Variants in PHACTR1 observed in about 807,000 individuals in gnomAD.
PHACTR1 encodes the protein phosphatase and actin regulator 1.
Under a neutral mutation model 69.2 loss-of-function variants are expected in PHACTR1, and 16 were observed. The ratio of observed to expected loss-of-function variants is 0.23; its 90% confidence interval spans 0.16 to 0.35. PHACTR1 has a LOEUF of 0.35. PHACTR1 is among the 10% of genes least tolerant of loss of function. The probability of loss-of-function intolerance (pLI) is 1.00; values close to 1 mark genes in which losing one functional copy is unlikely to be tolerated. For missense variants in PHACTR1, 510 were observed against 734.7 expected (o/e 0.69, Z 3.54); for synonymous variants, 312 against 284.5 (o/e 1.10, Z -0.97).
chr6:12,889,109 G>GA (rs959704666), intron 4 of PHACTR1, among the ~76,000 whole-genome samples: 12 of 151,960 alleles, frequency 7.9e-5, no homozygotes, highest in Admixed American at 6.6e-5. Flanking sequence ...CCTGTCTCTA[G>GA]AAAAAATCAA....
Position 12,722,609 on chromosome 6 carries a change from T to C in PHACTR1, c.103+3762T>C, listed in dbSNP as rs1762265708. Among the ~76,000 whole-genome samples, 3 of 152,366 alleles carry C rather than the reference T, an allele frequency of 2.0e-5. No individual in the cohort carries two copies. In the South Asian group the frequency reaches 6.2e-4, roughly 32 times the overall value. ...TATCATGAGAAAAATTCTTTTGGAA[T>C]TCCCTGAGATTTTCAAAGGTGCCTG... On this transcript the variant is annotated intron_variant, in intron 3 of 14. Transcript: ENST00000332995.
In PHACTR1 at chr6:12,854,452, A is replaced by G. The variant is rs527456060; in HGVS notation, c.250+104662A>G. 1.3e-4 allele frequency among the ~76,000 whole-genome samples: 20 copies of G among 152,348 alleles called. No homozygotes were observed. The South Asian group carries it at 3.7e-3, about 28-fold the overall frequency. Reference sequence around the variant, plus strand: ...CATTTTCCCTTATTTCTATCAAATCAGGATAGAATGCTTTGTTGTGTACCT... The same window carrying G: ...CATTTTCCCTTATTTCTATCAAATCGGGATAGAATGCTTTGTTGTGTACCT... On this transcript the variant is annotated intron_variant, in intron 4 of 14. Transcript: ENST00000332995.
chr6:12,949,069 G>A (rs1474707698), intron 4 of PHACTR1, among the ~76,000 whole-genome samples: 1 of 152,094 alleles, frequency 6.6e-6, no homozygotes, highest in East Asian at 1.9e-4. Flanking sequence ...TCAGGAGTGA[G>A]AAGCCAGTCT....
chr6:12,988,001 C>G (rs1470061012), intron 4 of PHACTR1, among the ~76,000 whole-genome samples: 1 of 152,158 alleles, frequency 6.6e-6, no homozygotes, highest in Non-Finnish European at 1.5e-5. Context: ...TTGGCAGCCA[C>G]TGGTGCACAT....
At position 13,205,850 on chromosome 6, in the gene PHACTR1, G is replaced by A. The variant is rs560164797; in HGVS notation, c.700G>A (p.Val234Met). The A allele has an allele frequency of 3.3e-5, 52 of 1,594,618 alleles. No individual in the cohort carries two copies. The African/African-American group carries it at 6.3e-4, about 19-fold the overall frequency. The part of the protein sequence containing the change: ...GAPVKLPCLP[V>M]KLSPPLPPKK... ...CCCTGTGAAATTGCCTTGTCTGCCA[G>A]TGAAACTGTCGCCTCCGCTACCTCC... is the stretch of plus-strand genomic sequence containing the variant. Residue 234 changes from valine to methionine, a missense_variant, in exon 8 of 15, where the codon GTG becomes ATG. Coordinates refer to ENST00000332995, the MANE Select transcript of PHACTR1 (RefSeq NM_030948.6).
chr6:12,820,829 T>A (rs1354797463), intron 4 of PHACTR1, among the ~76,000 whole-genome samples: 1 of 152,252 alleles, frequency 6.6e-6, no homozygotes, highest in Non-Finnish European at 1.5e-5. Flanking sequence ...ATATGAGAAC[T>A]GTTTATATAA....
At chr6:12,730,509 C>G (rs1255413829) in intron 3 of PHACTR1, among the ~76,000 whole-genome samples, 1 of 150,914 alleles carries the variant, frequency 6.6e-6, no homozygotes, top group African/African-American at 2.4e-5. Flanking sequence ...GCAGCTCAAT[C>G]ATTGTATATA....
chr6:13,216,974 T>A (rs1767769871), intron 8 of PHACTR1, among the ~76,000 whole-genome samples: 2 of 152,224 alleles, frequency 1.3e-5, no homozygotes, highest in South Asian at 4.1e-4. Flanking sequence ...GCTTTTGATT[T>A]TTTTTGCTTC....
chr6:12,896,589 T>C (rs1236254942), intron 4 of PHACTR1, among the ~76,000 whole-genome samples: 2 of 152,170 alleles, frequency 1.3e-5, no homozygotes, highest in South Asian at 2.1e-4. Flanking sequence ...GAAAACACCA[T>C]AGGGCATTGG....
intron 5 of PHACTR1, among the ~76,000 whole-genome samples, chr6:13,158,397 A>G (rs1758500482): frequency 6.6e-6 from 1 of 152,024 alleles, no homozygotes; most frequent in Non-Finnish European, 1.5e-5. Context: ...TTGTCCTCCC[A>G]TATAGCCCTC....
At chr6:12,815,763 C>A (rs1363828503) in intron 4 of PHACTR1, among the ~76,000 whole-genome samples, 2 of 152,152 alleles carry the variant, frequency 1.3e-5, no homozygotes, top group African/African-American at 4.8e-5. Context: ...TCCTTTTCCC[C>A]AGTCTAGCTT....
At chr6:12,884,944 C>A (rs961898726) in intron 4 of PHACTR1, among the ~76,000 whole-genome samples, 2 of 152,166 alleles carry the variant, frequency 1.3e-5, no homozygotes, top group African/African-American at 4.8e-5. Flanking sequence ...GATAAAGGAA[C>A]CAGTGGAGTT....
intron 4 of PHACTR1, among the ~76,000 whole-genome samples, chr6:12,907,455 GA>G (rs1262658530): frequency 1.3e-5 from 2 of 152,190 alleles, no homozygotes; most frequent in African/African-American, 2.4e-5. Context: ...ATTGCAATTT[GA>G]AAGCATTCAT....
intron 5 of PHACTR1, among the ~76,000 whole-genome samples, chr6:13,105,903 T>C (rs1175914652): frequency 1.3e-5 from 2 of 152,232 alleles, no homozygotes; most frequent in Non-Finnish European, 2.9e-5. Context: ...GGGAGTGGGC[T>C]GATATAAAGT....
intron 3 of PHACTR1, among the ~76,000 whole-genome samples, chr6:12,743,805 C>T (rs1765395799): frequency 6.6e-6 from 1 of 152,130 alleles, no homozygotes; most frequent in African/African-American, 2.4e-5. Flanking sequence ...ACCAAGTGGA[C>T]CTAATAGACA....
At chr6:13,183,766 A>G (rs9381812) in intron 7 of PHACTR1, among the ~76,000 whole-genome samples, 34,601 of 152,098 alleles carry the variant, frequency 0.23, 5,147 homozygotes, top group East Asian at 0.55. Context: ...TTTTTTAAAA[A>G]GAATCCAGAC....
chr6:13,219,110 G>A (rs1281054866), intron 8 of PHACTR1, among the ~76,000 whole-genome samples: 1 of 152,158 alleles, frequency 6.6e-6, no homozygotes, highest in African/African-American at 2.4e-5. Context: ...GCATCCTGTA[G>A]ATGTGATGAG....
At chr6:12,897,906 TC>T (rs1784831244) in intron 4 of PHACTR1, among the ~76,000 whole-genome samples, 1 of 152,094 alleles carries the variant, frequency 6.6e-6, no homozygotes, top group South Asian at 2.1e-4. Context: ...GATGTTCCCC[TC>T]CTTGTGTCCA....
chr6:13,156,018 C>CT (rs1758121223), intron 5 of PHACTR1, among the ~76,000 whole-genome samples: 1 of 152,120 alleles, frequency 6.6e-6, no homozygotes, highest in Non-Finnish European at 1.5e-5. Flanking sequence ...TTTTTAGAGC[C>CT]TTTTTGTTTT....
Sources: allele counts gnomAD v4.1 joint callset (sites outside exome capture counted in the v4.1 genomes callset), GRCh38; gene constraint gnomAD v4.1.1; transcripts MANE v1.5; gene names NCBI Gene and HGNC (gene_info 2026-07-23, HGNC 2026-07-21).